The following HPSE2 variants were observed in gnomAD, a reference collection of about 807,000 sequenced individuals.
HPSE2 encodes the protein inactive heparanase-2.
A neutral mutation model predicts 60.5 loss-of-function variants in HPSE2; 38 were observed. That is an observed-to-expected ratio of 0.63 (90% CI 0.48 to 0.82). The LOEUF (loss-of-function observed/expected upper bound fraction) is 0.82, where lower values mean the gene tolerates loss of function less well. HPSE2 is among the 40% of genes least tolerant of loss of function. The probability of loss-of-function intolerance (pLI) is 0.00; values close to 1 mark genes in which losing one functional copy is unlikely to be tolerated. For missense variants in HPSE2, 713 were observed against 740.4 expected, an observed-to-expected ratio of 0.96 and a Z score of 0.43; for synonymous variants, 295 against 293.2, an observed-to-expected ratio of 1.01 and a Z score of -0.06.
chr10:99,263,764 C>T, the HPSE2 span, among the ~76,000 whole-genome samples: 6 of 152,144 alleles, frequency 3.9e-5, no homozygotes, highest in East Asian at 9.6e-4. Flanking sequence ...GCCTCACAGG[C>T]TCATTCTATT....
chr10:99,181,796 G>T (rs1274879773), intron 2 of HPSE2, among the ~76,000 whole-genome samples: 1 of 152,092 alleles, frequency 6.6e-6, no homozygotes, highest in Non-Finnish European at 1.5e-5. Flanking sequence ...GTTGATGGGT[G>T]CAGCAAACCA....
At chr10:99,136,069 C>T (rs1260067177) in intron 3 of HPSE2, among the ~76,000 whole-genome samples, 2 of 152,060 alleles carry the variant, frequency 1.3e-5, no homozygotes, top group African/African-American at 4.8e-5. Context: ...CACCACCGAT[C>T]CCACAGAAAT....
At chr10:99,224,966 C>G (rs1849425618) in intron 2 of HPSE2, among the ~76,000 whole-genome samples, 1 of 152,050 alleles carries the variant, frequency 6.6e-6, no homozygotes, top group Non-Finnish European at 1.5e-5. Context: ...AATGACTACA[C>G]TGTGACTAGA....
At chr10:98,944,116 A>G (rs1955107359) in intron 3 of HPSE2, among the ~76,000 whole-genome samples, 1 of 152,206 alleles carries the variant, frequency 6.6e-6, no homozygotes, top group Admixed American at 6.5e-5. Flanking sequence ...GATGGGCCAA[A>G]TAGTTTAAGA....
chr10:98,990,173 T>G (rs1417076695), intron 3 of HPSE2, among the ~76,000 whole-genome samples: 1 of 152,220 alleles, frequency 6.6e-6, no homozygotes, highest in Admixed American at 6.5e-5. Flanking sequence ...TAATTGTCAC[T>G]TGCCATTTGC....
At chr10:98,581,938 C>T (rs993745487) in intron 9 of HPSE2, among the ~76,000 whole-genome samples, 1 of 151,938 alleles carries the variant, frequency 6.6e-6, no homozygotes, top group African/African-American at 2.4e-5. Context: ...ATTCCAAGAA[C>T]TCCCAGTTGT....
chr10:98,673,628 G>T (rs1438261447), intron 6 of HPSE2, among the ~76,000 whole-genome samples: 1 of 152,060 alleles, frequency 6.6e-6, no homozygotes, highest in Non-Finnish European at 1.5e-5. Flanking sequence ...TTTGGACCAG[G>T]TGTTTATACT....
At chr10:98,976,271 A>T (rs1233980674) in intron 3 of HPSE2, among the ~76,000 whole-genome samples, 5 of 152,224 alleles carry the variant, frequency 3.3e-5, no homozygotes, top group Non-Finnish European at 7.3e-5. Context: ...AAAGGCAAGT[A>T]TAGCAATAGC....
At chr10:98,977,652 AG>A (rs1349316483) in intron 3 of HPSE2, among the ~76,000 whole-genome samples, 1 of 152,124 alleles carries the variant, frequency 6.6e-6, no homozygotes, top group African/African-American at 2.4e-5. Context: ...AATAAATAAC[AG>A]GGGTGATATA....
chr10:99,209,967 C>G (rs942234543), intron 2 of HPSE2, among the ~76,000 whole-genome samples: 1 of 152,140 alleles, frequency 6.6e-6, no homozygotes, highest in Non-Finnish European at 1.5e-5. Context: ...GGATTACAGG[C>G]GTAAGCCACT....
chr10:99,038,242 T>C (rs1160317611), intron 3 of HPSE2, among the ~76,000 whole-genome samples: 1 of 152,090 alleles, frequency 6.6e-6, no homozygotes, highest in African/African-American at 2.4e-5. Flanking sequence ...TAATTTGCAA[T>C]AGCCAAAAAC....
At chr10:98,836,624 A>T (rs1367986125) in intron 3 of HPSE2, among the ~76,000 whole-genome samples, 1 of 152,244 alleles carries the variant, frequency 6.6e-6, no homozygotes, top group Admixed American at 6.5e-5. Flanking sequence ...ACTGGAATTC[A>T]TGAGCATGAA....
At chr10:98,994,274 C>G (rs1449925140) in intron 3 of HPSE2, among the ~76,000 whole-genome samples, 2 of 152,140 alleles carry the variant, frequency 1.3e-5, no homozygotes, top group Non-Finnish European at 2.9e-5. Context: ...CTGCCCAGGT[C>G]TCAGTTTCAC....
chr10:99,004,823 C>T (rs555051240), intron 3 of HPSE2, among the ~76,000 whole-genome samples: 230 of 152,152 alleles, frequency 1.5e-3, no homozygotes, highest in Non-Finnish European at 2.8e-3. Context: ...TTGTATAAGA[C>T]GGGTCTGGTG....
At chr10:99,264,238 C>G in the HPSE2 span, among the ~76,000 whole-genome samples, 2 of 152,050 alleles carry the variant, frequency 1.3e-5, no homozygotes, top group East Asian at 3.9e-4. Flanking sequence ...CAGGTGCCCA[C>G]CACCATGCCC....
At chr10:99,297,735 CT>C in the HPSE2 span, among the ~76,000 whole-genome samples, 1 of 152,140 alleles carries the variant, frequency 6.6e-6, no homozygotes, top group Non-Finnish European at 1.5e-5. Context: ...GGGTTCACTG[CT>C]GGCCACCCCC....
the HPSE2 span, among the ~76,000 whole-genome samples, chr10:99,286,178 T>G: frequency 6.6e-6 from 1 of 152,044 alleles, no homozygotes; most frequent in African/African-American, 2.4e-5. Context: ...CCTCAAAAAA[T>G]TAAACGTGGA....
chr10:99,009,695 G>A (rs1956969993), intron 3 of HPSE2, among the ~76,000 whole-genome samples: 1 of 152,122 alleles, frequency 6.6e-6, no homozygotes, highest in South Asian at 2.1e-4. Flanking sequence ...GAGACAAACA[G>A]CATCTAAGCC....
intron 3 of HPSE2, among the ~76,000 whole-genome samples, chr10:99,115,870 CAT>C (rs1429525077): frequency 2.6e-5 from 4 of 152,292 alleles, no homozygotes; most frequent in Admixed American, 6.5e-5. Flanking sequence ...AACTTCTAGT[CAT>C]GTGCCTTTTA....
Sources: gnomAD v4.1 joint callset for allele counts (sites outside exome capture counted in the v4.1 genomes callset) on GRCh38, gnomAD v4.1.1 for gene constraint, MANE v1.5 for transcripts, NCBI Gene and HGNC (gene_info 2026-07-23, HGNC 2026-07-21) for gene names.